Variants in BCLAF3 observed in about 807,000 individuals in gnomAD.
The protein encoded by BCLAF3 is transient octamer binding factor 1.
A neutral mutation model predicts 51.2 loss-of-function variants in BCLAF3; 24 were observed. The ratio of observed to expected loss-of-function variants is 0.47; its 90% confidence interval spans 0.34 to 0.66. The LOEUF is 0.66. Among genes scored for constraint, BCLAF3 ranks in the 30% least tolerant of loss-of-function variants. BCLAF3 has a pLI of 0.01. For missense variants in BCLAF3, 465 were observed against 525.1 expected (o/e 0.89, Z 1.12); for synonymous variants, 152 against 176.6 (o/e 0.86, Z 1.10).
intron 11 of BCLAF3, among the ~76,000 whole-genome samples, chrX:19,921,699 C>G (rs1217315022): frequency 9.4e-6 from 1 of 106,571 alleles, no homozygotes; most frequent in African/African-American, 3.4e-5. Flanking sequence ...TGAGACTCCA[C>G]CTCAAAAAAA....
chrX:19,926,468 G>A (rs1230355292), intron 11 of BCLAF3, among the ~76,000 whole-genome samples: 1 of 111,171 alleles, frequency 9.0e-6, no homozygotes, highest in Admixed American at 9.7e-5. Context: ...GGAAGAATAG[G>A]GTGGTCAGCA....
At chrX:19,958,324 C>CA (rs917081885) in intron 4 of BCLAF3, among the ~76,000 whole-genome samples, 1 of 111,829 alleles carries the variant, frequency 8.9e-6, no homozygotes, top group Non-Finnish European at 1.9e-5. Context: ...AAAACGGCAA[C>CA]AAAAAACCCA....
rs10284220 is a variant in BCLAF3 at position 19,972,927 on chromosome X, C to T, written c.-34-2629G>A. Among the ~76,000 whole-genome samples the T allele has an allele frequency of 3.5e-3, 394 of 112,238 alleles. 4 individuals are homozygous for T. The highest frequency in any genetic ancestry group is 0.012 in the African/African-American group (383 of 30,927). ...TCTACCTTTCAGCTATTATAAATAA[C>T]GCTCTTACGAACATTTGTGTACAAG... On this transcript the variant is annotated intron_variant, in intron 1 of 11. Transcript: ENST00000379682.
intron 9 of BCLAF3, 106 bp from the exon 10 acceptor site, chrX:19,936,004 C>T: frequency 1.5e-6 from 1 of 646,412 alleles, no homozygotes; most frequent in Non-Finnish European, 2.5e-6. Flanking sequence ...ATTAAGAACA[C>T]AAAGCAGGGA....
chrX:19,945,521 G>C (rs1202604469), intron 8 of BCLAF3, among the ~76,000 whole-genome samples: 1 of 93,655 alleles, frequency 1.1e-5, no homozygotes, highest in Non-Finnish European at 2.0e-5. Context: ...AGGTCTGTTG[G>C]AATACCCTGC....
rs190159616 is a variant in BCLAF3 at position 19,913,440 on chromosome X, G to A, written c.*3865C>T. On this transcript the variant is annotated 3_prime_UTR_variant, in exon 12 of 12. Transcript: ENST00000379682. ...AAAAAAAATTAGGCATTAAATTGAA[G>A]GGGCTGCTGAACTTCAGATAAATGT... 12 of 112,593 alleles carry A rather than the reference G, an allele frequency of 1.1e-4. 2 individuals carry two copies. The East Asian group carries it at 3.3e-3, about 31-fold the overall frequency. The allele number at this position is 112,593 out of a possible 1,213,427, so 9.3% of individuals were successfully genotyped here.
chrX:19,919,856 C>CAAAAAAAAAA (rs763184612), intron 11 of BCLAF3, among the ~76,000 whole-genome samples: 1 of 33,633 alleles, frequency 3.0e-5, no homozygotes, highest in Non-Finnish European at 5.4e-5. Context: ...GACTTCGTCT[C>CAAAAAAAAAA]AAAAAAAAAA....
intron 10 of BCLAF3, among the ~76,000 whole-genome samples, chrX:19,931,523 A>G (rs984207808): frequency 8.9e-6 from 1 of 111,935 alleles, no homozygotes; most frequent in Admixed American, 9.6e-5. Context: ...ATTCAATTAA[A>G]TTCTCCTATA....
At chrX:19,943,950 G>C (rs2071151479) in intron 8 of BCLAF3, among the ~76,000 whole-genome samples, 1 of 74,097 alleles carries the variant, frequency 1.3e-5, no homozygotes, top group East Asian at 4.3e-4. Context: ...TTATGAATCT[G>C]GGTGCTCCTG....
intron 1 of BCLAF3, among the ~76,000 whole-genome samples, chrX:19,973,561 G>A (rs979994175): frequency 9.0e-6 from 1 of 111,023 alleles, no homozygotes; most frequent in Admixed American, 9.7e-5. Context: ...TGCTTTCCCT[G>A]ATCAGGCCAT....
intron 10 of BCLAF3, among the ~76,000 whole-genome samples, chrX:19,934,308 A>C (rs1485143188): frequency 8.9e-6 from 1 of 112,130 alleles, no homozygotes; most frequent in East Asian, 2.8e-4. Context: ...AAAATACTAT[A>C]ATCAACTATA....
In BCLAF3 at chrX:19,924,001, T is replaced by C. The variant is rs1292133673; in HGVS notation, c.2106+5784A>G. On this transcript the variant is annotated intron_variant, in intron 11 of 11. Coordinates refer to ENST00000379682, the MANE Select transcript of BCLAF3 (RefSeq NM_001367774.2). ...GGATTGTAGAGATAGGGTTTCACCA[T>C]GTTGGCCAGGCTGGTCTCGAACTCC... Among the ~76,000 whole-genome samples, 3 of 110,626 alleles carry C rather than the reference T, an allele frequency of 2.7e-5. No homozygotes were observed. The East Asian group carries it at 8.5e-4, about 31-fold the overall frequency.
chrX:19,975,639 C>T (rs1004255471), intron 1 of BCLAF3, among the ~76,000 whole-genome samples: 7 of 112,063 alleles, frequency 6.2e-5, no homozygotes, highest in East Asian at 2.8e-4. Context: ...CCACTGCGCC[C>T]GGCCCATGCC....
chrX:19,974,804 C>G (rs1161565996), intron 1 of BCLAF3, among the ~76,000 whole-genome samples: 1 of 110,880 alleles, frequency 9.0e-6, no homozygotes, highest in African/African-American at 3.3e-5. Context: ...ATCGCTTGAA[C>G]CCGGGGGGCG....
chrX:19,950,992 T>C (rs1306028854), intron 7 of BCLAF3, 124 bp from the exon 8 acceptor site: 3 of 404,681 alleles, frequency 7.4e-6, no homozygotes, highest in Non-Finnish European at 1.3e-5. Flanking sequence ...GCTAATGGTA[T>C]TGTAAACTAA....
chrX:19,973,602 G>A (rs187997897), intron 1 of BCLAF3, among the ~76,000 whole-genome samples: 2 of 111,072 alleles, frequency 1.8e-5, no homozygotes, highest in African/African-American at 3.3e-5. Flanking sequence ...GCCTTCCCTC[G>A]GTCAGCTTGA....
chrX:19,982,704 A>C lies in BCLAF3; in HGVS notation c.-35+8204T>G, dbSNP rs781650788. ...TGCAAACCTTCCTAAATACACCCCC[A>C]CACACACCCTAATTTTTGTAATAAA... On this transcript the variant is annotated intron_variant, in intron 1 of 11. Transcript: ENST00000379682. Among the ~76,000 whole-genome samples the C allele has an allele frequency of 2.3e-4, 26 of 110,919 alleles. 1 individual carries two copies. In the East Asian group the frequency reaches 3.4e-3, roughly 15 times the overall value.
At chrX:19,964,062 C>G (rs1318156916) in intron 4 of BCLAF3, among the ~76,000 whole-genome samples, 1 of 111,632 alleles carries the variant, frequency 9.0e-6, no homozygotes, top group Non-Finnish European at 1.9e-5. Flanking sequence ...TTTTGTTTTA[C>G]AAAAAAGGAC....
intron 10 of BCLAF3, among the ~76,000 whole-genome samples, chrX:19,934,074 C>G (rs979218136): frequency 8.9e-6 from 1 of 112,067 alleles, no homozygotes; most frequent in Admixed American, 9.5e-5. Flanking sequence ...CAGTACCCAG[C>G]CAAAAGATTT....
Sources: gnomAD v4.1 joint callset for allele counts (sites outside exome capture counted in the v4.1 genomes callset) on GRCh38, gnomAD v4.1.1 for gene constraint, MANE v1.5 for transcripts, NCBI Gene and HGNC (gene_info 2026-07-23, HGNC 2026-07-21) for gene names.